Variants in MAP1S observed in about 807,000 individuals in gnomAD.
MAP1S encodes the protein microtubule-associated protein 1S.
In MAP1S, 27 loss-of-function variants were observed where a neutral mutation model predicts 60.9. That is an observed-to-expected ratio of 0.44 (90% CI 0.33 to 0.61). The LOEUF (loss-of-function observed/expected upper bound fraction) is 0.61, where lower values mean the gene tolerates loss of function less well. Among genes scored for constraint, MAP1S ranks in the 20% least tolerant of loss-of-function variants. MAP1S has a pLI of 0.03. For missense variants in MAP1S, 1,608 were observed against 1,486.6 expected (o/e 1.08, Z -1.34); for synonymous variants, 826 against 694.2 (o/e 1.19, Z -2.98).
chr19:17,726,956 G>A lies in MAP1S; in HGVS notation c.1572G>A (p.Glu524=), dbSNP rs2080434229. The change falls in exon 5 of 7, where the codon GAG becomes GAA. Residue 524 remains glutamate (E), a synonymous_variant. Coordinates refer to ENST00000324096, the MANE Select transcript of MAP1S (RefSeq NM_018174.6). The stretch of plus-strand genomic sequence containing the variant: ...AGAAAGAAGCCAAGACCCCCCGGGA[G>A]TTGAAGAAAGACCCCAAACCGAGTG... ...KTEKEAKTPR[E]LKKDPKPSVS... 2 of 1,573,806 alleles carry A rather than the reference G, an allele frequency of 1.3e-6. No individual in the cohort carries two copies. Among genetic ancestry groups the A allele is most frequent in the Admixed American group, 3.7e-5 (2 of 53,404 alleles).
In MAP1S at chr19:17,734,408, G is replaced by T. The variant is rs1200347258; in HGVS notation, c.3160G>T (p.Ala1054Ser). 5 of 1,612,526 alleles carry T rather than the reference G, an allele frequency of 3.1e-6. No individual in the cohort carries two copies. In the East Asian group the frequency reaches 1.1e-4, roughly 36 times the overall value. ...GTCCATGCAGGATGACGCCTTCCCG[G>T]CCTGCAAGGTGGAGTTCTAGCCCCA... is the stretch of plus-strand genomic sequence containing the variant. Reference protein sequence around the residue: ...MVSMQDDAFPACKVEF With the variant: ...MVSMQDDAFPSCKVEF Residue 1054 changes from alanine to serine, a missense_variant, in exon 7 of 7, where the codon GCC (alanine) becomes TCC (serine). Transcript: ENST00000324096.
chr19:17,724,548 C>CAG (rs2080400320), intron 3 of MAP1S, among the ~76,000 whole-genome samples: 2 of 152,204 alleles, frequency 1.3e-5, no homozygotes. Flanking sequence ...TCTGAATCGA[C>CAG]TCACTAACAT....
chr19:17,733,048 G>C, intron 5 of MAP1S, 145 bp from the exon 6 acceptor site: 1 of 584,866 alleles, frequency 1.7e-6, no homozygotes, highest in Non-Finnish European at 3.0e-6. Flanking sequence ...GGAGTCATGA[G>C]CGCACCAGGC....
chr19:17,720,931 A>G lies in MAP1S; in HGVS notation c.119-5A>G. 1.2e-6 allele frequency: 2 copies of G among 1,611,578 alleles called. No homozygotes were observed. The highest frequency in any genetic ancestry group is 1.7e-6 in the Non-Finnish European group (2 of 1,177,848). On this transcript the variant is annotated splice_polypyrimidine_tract_variant and splice_region_variant and intron_variant, in intron 1 of 6. Coordinates refer to ENST00000324096, the MANE Select transcript of MAP1S (RefSeq NM_018174.6). ...ACTCCCGCCTTGATCCCTCCTTCCCACCAGGCATCCGGTCTTGGGATGTCG... is the reference window on the plus strand; with the variant it reads ...ACTCCCGCCTTGATCCCTCCTTCCCGCCAGGCATCCGGTCTTGGGATGTCG...
chr19:17,727,195 A>G lies in MAP1S; in HGVS notation c.1811A>G (p.Gln604Arg). The change falls in exon 5 of 7, where the codon CAG becomes CGG. Residue 604 changes from glutamine to arginine, a missense_variant. Around this residue, in one of 4 missense-constraint regions of MAP1S, gnomAD observed 1,167 missense variants for 961.4 expected, o/e 1.21. Transcript: ENST00000324096. The surrounding 1 kb of genome is among the most constrained non-coding windows in gnomAD (Gnocchi z 4.1). Reference sequence around the variant, plus strand: ...GCAGCCTGCGGCTCTCCGGCCTCCCAGCTGGTGGCCACGCCCAGCCTGGAG... The same window carrying G: ...GCAGCCTGCGGCTCTCCGGCCTCCCGGCTGGTGGCCACGCCCAGCCTGGAG... ...PSAACGSPASQLVATPSLELG... is the reference protein window; with the variant it reads ...PSAACGSPASRLVATPSLELG... 1 of 1,575,504 alleles carries G rather than the reference A, an allele frequency of 6.3e-7. No homozygotes were observed. Among genetic ancestry groups the G allele is most frequent in the Non-Finnish European group, 8.6e-7 (1 of 1,164,896 alleles).
intron 5 of MAP1S, among the ~76,000 whole-genome samples, chr19:17,730,329 T>G (rs1407296996): frequency 3.3e-5 from 5 of 152,260 alleles, no homozygotes; most frequent in Non-Finnish European, 7.3e-5. Flanking sequence ...TTTGTTTTAC[T>G]TTTTAGAGAC....
Position 17,726,278 on chromosome 19 carries a change from C to G in MAP1S, c.894C>G (p.Leu298=). Residue 298 remains leucine, a synonymous_variant, in exon 5 of 7, where the codon CTC becomes CTG. Transcript: ENST00000324096. Reference sequence around the variant, plus strand: ...TGACCCACCCTGGCGCCGACAGCCTCCCCGGCCTCAACAGCCTGCTGCGGC... The same window carrying G: ...TGACCCACCCTGGCGCCGACAGCCTGCCCGGCCTCAACAGCCTGCTGCGGC... ...VLVTHPGADS[L]PGLNSLLRRK... The G allele has an allele frequency of 6.2e-7, 1 of 1,606,912 alleles. No individual in the cohort carries two copies. Among genetic ancestry groups the G allele is most frequent in the Non-Finnish European group, 8.5e-7 (1 of 1,177,526 alleles).
Position 17,727,375 on chromosome 19 carries a change from C to G in MAP1S, c.1991C>G (p.Ala664Gly), listed in dbSNP as rs762402215. The G allele has an allele frequency of 3.1e-6, 5 of 1,589,406 alleles. No individual in the cohort carries two copies. The highest frequency in any genetic ancestry group is 4.3e-6 in the Non-Finnish European group (5 of 1,169,998). Residue 664 changes from alanine to glycine, a missense_variant, in exon 5 of 7, where the codon GCC becomes GGC. By Grantham distance (60) the Ala-to-Gly change is moderately conservative. Coordinates refer to ENST00000324096, the MANE Select transcript of MAP1S (RefSeq NM_018174.6). The surrounding 1 kb of genome is among the most constrained non-coding windows in gnomAD (Gnocchi z 4.1). ...CTGAGCCCACTGCGGGGCGGGGAGG[C>G]CGGGCCAGACGCCTCACCCACAGTG... ...LSLSPLRGGEAGPDASPTVTT... is the reference protein window; with the variant it reads ...LSLSPLRGGEGGPDASPTVTT...
chr19:17,727,887 C>T lies in MAP1S; in HGVS notation c.2503C>T (p.Pro835Ser), dbSNP rs753051379. The T allele has an allele frequency of 1.0e-4, 165 of 1,613,120 alleles. No homozygotes were observed. Among genetic ancestry groups the T allele is most frequent in the Non-Finnish European group, 1.3e-4 (153 of 1,179,800 alleles). Residue 835 changes from proline (P) to serine (S), a missense_variant, in exon 5 of 7, where the codon CCT (proline) becomes TCT (serine). Physicochemically the swap from Pro to Ser is moderately conservative, Grantham distance 74. This residue lies in a region of MAP1S where 1,167 missense variants were observed against 961.4 expected (regional missense o/e 1.21). Transcript: ENST00000324096. This position sits in a 1 kb window ranked among gnomAD's most constrained non-coding sequence, Gnocchi z 4.1. Reference sequence around the variant, plus strand: ...CCCCCTCAAGGTCCCCCCACCACTGCCTGACCCATCCAGCATCTGCATGGT... The same window carrying T: ...CCCCCTCAAGGTCCCCCCACCACTGTCTGACCCATCCAGCATCTGCATGGT... ...PDPLKVPPPLPDPSSICMVDP... is the reference protein window; with the variant it reads ...PDPLKVPPPLSDPSSICMVDP...
In MAP1S at chr19:17,727,265, T is replaced by C; in HGVS notation, c.1881T>C (p.Pro627=). 1 of 1,577,866 alleles carries C rather than the reference T, an allele frequency of 6.3e-7. No individual in the cohort carries two copies. The highest frequency in any genetic ancestry group is 8.6e-7 in the Non-Finnish European group (1 of 1,167,382). Residue 627 remains proline (P), a synonymous_variant, in exon 5 of 7, where the codon CCT becomes CCC. Coordinates refer to ENST00000324096, the MANE Select transcript of MAP1S (RefSeq NM_018174.6). This position sits in a 1 kb window ranked among gnomAD's most constrained non-coding sequence, Gnocchi z 4.1. ...GGGAGGAGAAGGCACTGGAGCTGCC[T>C]TTGGCCGCCAGCTCAATCCCAAGGC... ...PAGEEKALEL[P]LAASSIPRPR... is the part of the protein sequence containing the mutation.
Position 17,725,315 on chromosome 19 carries a change from C to A in MAP1S, c.444+126C>A. The A allele has an allele frequency of 8.7e-7, 1 of 1,143,204 alleles. No homozygotes were observed. Among genetic ancestry groups the A allele is most frequent in the Non-Finnish European group, 1.2e-6 (1 of 819,226 alleles). The allele number at this position is 1,143,204 out of a possible 1,614,324, so 70.8% of individuals were successfully genotyped here. A position where few individuals can be genotyped will look rare whatever the true frequency, so the allele number is the denominator to read the frequency against. On this transcript the variant is annotated intron_variant, in intron 4 of 6. Coordinates refer to ENST00000324096, the MANE Select transcript of MAP1S (RefSeq NM_018174.6). This position sits in a 1 kb window ranked among gnomAD's most constrained non-coding sequence, Gnocchi z 4.2. The stretch of plus-strand genomic sequence containing the variant: ...GGTCTCCCCATCCTCTGTAGGATGG[C>A]AGTGGTGACACATGCCTCCTGGCTG...
rs930318350 is a variant in MAP1S at position 17,725,550 on chromosome 19, G to C, written c.445-279G>C. On this transcript the variant is annotated intron_variant, in intron 4 of 6. Coordinates refer to ENST00000324096, the MANE Select transcript of MAP1S (RefSeq NM_018174.6). This position sits in a 1 kb window ranked among gnomAD's most constrained non-coding sequence, Gnocchi z 4.2. ...TGGTGAGAAAAGGTTCAGTAGACAGGTGGGGCGTGGAGAGTCTCCTTGGAG... is the reference window on the plus strand; with the variant it reads ...TGGTGAGAAAAGGTTCAGTAGACAGCTGGGGCGTGGAGAGTCTCCTTGGAG... Among the ~76,000 whole-genome samples, 2 of 152,210 alleles carry C rather than the reference G, an allele frequency of 1.3e-5. No individual in the cohort carries two copies. The highest frequency in any genetic ancestry group is 2.9e-5 in the Non-Finnish European group (2 of 68,034).
intron 2 of MAP1S, 38 bp downstream of exon 2, chr19:17,721,075 G>A (rs1439167739): frequency 2.6e-6 from 4 of 1,547,008 alleles, no homozygotes; most frequent in Middle Eastern, 1.7e-4. Context: ...CCTACCTCTT[G>A]TTATTTGGGG....
chr19:17,724,610 A>G (rs537828904), intron 3 of MAP1S, among the ~76,000 whole-genome samples: 3 of 152,308 alleles, frequency 2.0e-5, no homozygotes, highest in African/African-American at 2.4e-5. Flanking sequence ...CGGAAGATGA[A>G]CCAGACAGAG....
chr19:17,726,352 A>G lies in MAP1S; in HGVS notation c.968A>G (p.Asp323Gly). ...SEVAAGGGSW[D>G]DRLRRLISPN... ...GTGGCTGCTGGTGGGGGCTCCTGGG[A>G]CGACAGGCTGCGCAGGCTCATCTCC... Residue 323 changes from aspartate to glycine, a missense_variant, in exon 5 of 7, where the codon GAC becomes GGC. Transcript: ENST00000324096. 1 of 1,600,244 alleles carries G rather than the reference A, an allele frequency of 6.2e-7. No individual in the cohort carries two copies. The highest frequency in any genetic ancestry group is 8.5e-7 in the Non-Finnish European group (1 of 1,178,118).
In MAP1S at chr19:17,727,012, G is replaced by A. The variant is rs745369493; in HGVS notation, c.1628G>A (p.Arg543Gln). ...CGGACCCAGCCGCGGGAGGTGCGCC[G>A]GGCAGCCTCTTCTGTGCCCAACCTC... ...VSRTQPREVRRAASSVPNLKK... is the reference protein window; with the variant it reads ...VSRTQPREVRQAASSVPNLKK... The change falls in exon 5 of 7, where the codon CGG (arginine) becomes CAG (glutamine). Residue 543 changes from arginine to glutamine, a missense_variant. Coordinates refer to ENST00000324096, the MANE Select transcript of MAP1S (RefSeq NM_018174.6). The surrounding 1 kb of genome is among the most constrained non-coding windows in gnomAD (Gnocchi z 4.1). 3 of 1,587,962 alleles carry A rather than the reference G, an allele frequency of 1.9e-6. No individual in the cohort carries two copies. Among genetic ancestry groups the A allele is most frequent in the African/African-American group, 1.3e-5 (1 of 74,382 alleles).
Position 17,721,152 on chromosome 19 carries a change from G to T in MAP1S, c.220+115G>T. 3.5e-6 allele frequency: 3 copies of T among 845,992 alleles called. No individual in the cohort carries two copies. In the East Asian group the frequency reaches 7.4e-5, roughly 21 times the overall value. The allele number at this position is 845,992 out of a possible 1,614,324, so 52.4% of individuals were successfully genotyped here. ...TATAAATAACAACAGTAATAATACA[G>T]TTGAGACCTTTCAAATGCAAGCCGT... On this transcript the variant is annotated intron_variant, in intron 2 of 6. Transcript: ENST00000324096.
chr19:17,722,863 A>C (rs770466903), intron 2 of MAP1S, among the ~76,000 whole-genome samples: 4 of 151,886 alleles, frequency 2.6e-5, no homozygotes, highest in Non-Finnish European at 5.9e-5. Context: ...AGAAAGGGAA[A>C]AGAAGGAAAG....
Position 17,727,664 on chromosome 19 carries a change from C to T in MAP1S, c.2280C>T (p.Pro760=), listed in dbSNP as rs773494986. 1.2e-5 allele frequency: 20 copies of T among 1,609,078 alleles called. No individual in the cohort carries two copies. Among genetic ancestry groups the T allele is most frequent in the Middle Eastern group, 1.7e-4 (1 of 6,056 alleles). ...CAATGGCACCGGCACCTGCGTCCCC[C>T]GGCAGCTCGAATGACAGCAGTGCCC... ...AVPMAPAPAS[P]GSSNDSSARS... is the part of the protein sequence containing the mutation. The change falls in exon 5 of 7, where the codon CCC becomes CCT. Residue 760 remains proline (P), a synonymous_variant. Transcript: ENST00000324096. The surrounding 1 kb of genome is among the most constrained non-coding windows in gnomAD (Gnocchi z 4.1).
Sources: allele counts gnomAD v4.1 joint callset (sites outside exome capture counted in the v4.1 genomes callset), GRCh38; gene constraint gnomAD v4.1.1; regional missense constraint gnomAD v4.1.1; non-coding constraint Gnocchi (gnomAD v3.1); transcripts MANE v1.5; gene names NCBI Gene and HGNC (gene_info 2026-07-23, HGNC 2026-07-21).